VEPH1: variants seen among roughly 807,000 people sequenced by gnomAD.
VEPH1 encodes ventricular zone expressed PH domain containing 1, also known as ventricular zone-expressed PH domain-containing protein homolog 1.
Under a neutral mutation model 85.2 loss-of-function variants are expected in VEPH1, and 80 were observed. The ratio of observed to expected loss-of-function variants is 0.94; its 90% CI spans 0.78 to 1.13. The LOEUF is 1.13. Ranked by LOEUF, VEPH1 falls within the 50% of genes most tolerant of loss-of-function variation. VEPH1 has a pLI of 0.00. For missense variants in VEPH1, 955 were observed against 980.5 expected (o/e 0.97, Z 0.35); for synonymous variants, 297 against 348.0 (o/e 0.85, Z 1.63).
intron 11 of VEPH1, among the ~76,000 whole-genome samples, chr3:157,298,187 A>G (rs2108441522): frequency 6.6e-6 from 1 of 152,342 alleles, no homozygotes; most frequent in South Asian, 2.1e-4. Context: ...TAAATGCATC[A>G]TCTCATTTTA....
intron 11 of VEPH1, among the ~76,000 whole-genome samples, chr3:157,293,638 A>G (rs1362897277): frequency 6.6e-6 from 1 of 152,250 alleles, no homozygotes; most frequent in Non-Finnish European, 1.5e-5. Context: ...TCATGAAAAA[A>G]TAATCTGACT....
intron 9 of VEPH1, among the ~76,000 whole-genome samples, chr3:157,362,441 C>T (rs1033392352): frequency 6.6e-6 from 1 of 152,162 alleles, no homozygotes; most frequent in Non-Finnish European, 1.5e-5. Flanking sequence ...CGTTTTCTGA[C>T]TAGCTCAACC....
At chr3:157,322,665 T>C (rs999411939) in intron 9 of VEPH1, among the ~76,000 whole-genome samples, 7 of 152,188 alleles carry the variant, frequency 4.6e-5, no homozygotes, top group African/African-American at 1.4e-4. Context: ...TATGAGGGCT[T>C]GCACTTGGCA....
chr3:157,316,536 A>G (rs896456252), intron 10 of VEPH1, among the ~76,000 whole-genome samples: 3 of 150,580 alleles, frequency 2.0e-5, no homozygotes, highest in East Asian at 1.9e-4. Context: ...CGAGATAACT[A>G]TTTTCAAATA....
intron 9 of VEPH1, among the ~76,000 whole-genome samples, chr3:157,333,540 CCT>C (rs1722688984): frequency 6.6e-6 from 1 of 152,176 alleles, no homozygotes; most frequent in Non-Finnish European, 1.5e-5. Context: ...CACACACATA[CCT>C]CTCTATATAT....
chr3:157,309,142 A>T (rs1429350348), intron 11 of VEPH1, among the ~76,000 whole-genome samples: 1 of 151,950 alleles, frequency 6.6e-6, no homozygotes, highest in South Asian at 2.1e-4. Flanking sequence ...TGCTCTTTAG[A>T]TATCCTGGAT....
At chr3:157,483,543 A>G (rs1183097183) in intron 2 of VEPH1, among the ~76,000 whole-genome samples, 1 of 152,136 alleles carries the variant, frequency 6.6e-6, no homozygotes, top group Admixed American at 6.6e-5. Context: ...ATTTTAAAAG[A>G]CCAAGTCACT....
chr3:157,376,666 C>T (rs919910344), intron 7 of VEPH1, among the ~76,000 whole-genome samples: 17 of 152,152 alleles, frequency 1.1e-4, no homozygotes, highest in African/African-American at 4.1e-4. Context: ...GTGGGCTCAC[C>T]TGGTGCTTCT....
intron 4 of VEPH1, among the ~76,000 whole-genome samples, chr3:157,433,374 A>G (rs565639659): frequency 2.0e-5 from 3 of 152,190 alleles, no homozygotes; most frequent in African/African-American, 7.2e-5. Context: ...TTTGGTATTT[A>G]TGTTTTTTTC....
intron 9 of VEPH1, among the ~76,000 whole-genome samples, chr3:157,340,072 C>A (rs1454784217): frequency 6.6e-6 from 1 of 152,192 alleles, no homozygotes; most frequent in African/African-American, 2.4e-5. Context: ...AGGAACAGCT[C>A]CAGTCTACAG....
At chr3:157,471,887 CTTAT>C (rs1424234611) in intron 2 of VEPH1, among the ~76,000 whole-genome samples, 1 of 152,046 alleles carries the variant, frequency 6.6e-6, no homozygotes, top group Non-Finnish European at 1.5e-5. Flanking sequence ...ATTTTGGGGC[CTTAT>C]TGTTTTTCCT....
At chr3:157,388,663 A>G (rs767632257) in intron 6 of VEPH1, among the ~76,000 whole-genome samples, 9 of 152,208 alleles carry the variant, frequency 5.9e-5, no homozygotes, top group Non-Finnish European at 1.0e-4. Context: ...AGGGTTCTAC[A>G]TCCACAAATA....
chr3:157,450,713 T>C (rs1392103540), intron 4 of VEPH1, among the ~76,000 whole-genome samples: 1 of 152,124 alleles, frequency 6.6e-6, no homozygotes, highest in East Asian at 1.9e-4. Context: ...TATGAGATAC[T>C]TTTTACTAAT....
chr3:157,298,029 G>GA (rs111297851), intron 11 of VEPH1, among the ~76,000 whole-genome samples: 9 of 151,880 alleles, frequency 5.9e-5, no homozygotes, highest in African/African-American at 1.9e-4. Flanking sequence ...GCCAAAAATT[G>GA]AAAAAAATTC....
intron 6 of VEPH1, among the ~76,000 whole-genome samples, chr3:157,396,510 T>C (rs1730395973): frequency 1.3e-5 from 2 of 152,220 alleles, no homozygotes; most frequent in African/African-American, 2.4e-5. Flanking sequence ...CTGTAAGGAA[T>C]CGCCACACTG....
At chr3:157,347,495 G>T (rs1426350567) in intron 9 of VEPH1, among the ~76,000 whole-genome samples, 1 of 152,102 alleles carries the variant, frequency 6.6e-6, no homozygotes, top group African/African-American at 2.4e-5. Context: ...GCTAGTGAGG[G>T]ATGCCTGGCA....
chr3:157,404,903 C>T (rs944214062), intron 6 of VEPH1, among the ~76,000 whole-genome samples: 1 of 152,192 alleles, frequency 6.6e-6, no homozygotes, highest in Non-Finnish European at 1.5e-5. Context: ...GCTTCGTCCT[C>T]TTCAACTCAC....
At chr3:157,405,414 C>T (rs574594537) in intron 6 of VEPH1, among the ~76,000 whole-genome samples, 8 of 152,150 alleles carry the variant, frequency 5.3e-5, no homozygotes, top group South Asian at 4.1e-4. Flanking sequence ...TTTACTTATC[C>T]GCACTATGAA....
intron 12 of VEPH1, among the ~76,000 whole-genome samples, chr3:157,268,781 T>C (rs1469806590): frequency 6.6e-6 from 1 of 152,198 alleles, no homozygotes; most frequent in Non-Finnish European, 1.5e-5. Context: ...AGGGTGTCAC[T>C]CTGTCACCCA....
Sources: allele counts gnomAD v4.1 joint callset (sites outside exome capture counted in the v4.1 genomes callset), GRCh38; gene constraint gnomAD v4.1.1; transcripts MANE v1.5; gene names NCBI Gene and HGNC (gene_info 2026-07-23, HGNC 2026-07-21).